PDGFRL: variants seen among roughly 807,000 people sequenced by gnomAD.
PDGFRL encodes platelet-derived growth factor receptor-like protein.
PDGFRL carries 46 observed loss-of-function variants against 37.2 expected under a neutral mutation model. The observed-to-expected ratio is 1.24, with a 90% CI of 0.98 to 1.58. The LOEUF is 1.58. Ranked by LOEUF, PDGFRL falls within the 40% of genes most tolerant of loss-of-function variation. PDGFRL has a pLI of 0.00. For synonymous variants in PDGFRL, 251 were observed against 184.3 expected (o/e 1.36, Z -2.93); for missense variants, 692 against 467.6 (o/e 1.48, Z -4.43).
At chr8:17,634,826 G>A (rs1804937096) in intron 5 of PDGFRL, among the ~76,000 whole-genome samples, 1 of 152,134 alleles carries the variant, frequency 6.6e-6, no homozygotes, top group Non-Finnish European at 1.5e-5. Flanking sequence ...GGGGTGGAGG[G>A]TGGGAGGAGG....
intron 2 of PDGFRL, among the ~76,000 whole-genome samples, chr8:17,600,814 A>AT (rs1450849426): frequency 7.2e-6 from 1 of 138,238 alleles, no homozygotes; most frequent in Non-Finnish European, 1.6e-5. Flanking sequence ...AAAAAAAAAA[A>AT]CAAAAAAACC....
intron 2 of PDGFRL, among the ~76,000 whole-genome samples, chr8:17,611,577 T>G (rs1347081297): frequency 6.6e-6 from 1 of 151,990 alleles, no homozygotes; most frequent in Non-Finnish European, 1.5e-5. Flanking sequence ...CGTGGAGGGC[T>G]CAGAGGTGAA....
chr8:17,613,074 A>G (rs1224262338), intron 2 of PDGFRL, among the ~76,000 whole-genome samples: 2 of 152,224 alleles, frequency 1.3e-5, no homozygotes, highest in Non-Finnish European at 2.9e-5. Flanking sequence ...AGGTTTAGCT[A>G]AATCTCTTGG....
intron 1 of PDGFRL, among the ~76,000 whole-genome samples, chr8:17,586,332 G>A (rs1803816190): frequency 6.6e-6 from 1 of 152,176 alleles, no homozygotes; most frequent in Non-Finnish European, 1.5e-5. Context: ...AGCTCTTCCA[G>A]GAAGAGGAGG....
chr8:17,634,035 C>G (rs745338452), intron 4 of PDGFRL, 39 bp from the exon 5 acceptor site: 7 of 1,607,494 alleles, frequency 4.4e-6, no homozygotes, highest in African/African-American at 1.3e-5. Context: ...CAAGGTTACA[C>G]TCGGGGTCTC....
chr8:17,642,560 C>G (rs943124483), intron 5 of PDGFRL, 53 bp from the exon 6 acceptor site: 2 of 1,124,518 alleles, frequency 1.8e-6, no homozygotes, highest in East Asian at 4.7e-5. Context: ...AGTGGGAGCT[C>G]TTTATAGCAG....
chr8:17,632,913 G>A (rs181651584), intron 4 of PDGFRL, among the ~76,000 whole-genome samples: 1 of 152,158 alleles, frequency 6.6e-6, no homozygotes. Context: ...TTCAAACAGC[G>A]CTTCCTCAAG....
chr8:17,591,501 G>C (rs1335055002), intron 2 of PDGFRL, among the ~76,000 whole-genome samples: 3 of 152,142 alleles, frequency 2.0e-5, no homozygotes, highest in South Asian at 2.1e-4. Context: ...TGAAGGGTAG[G>C]GGATGACATG....
At chr8:17,628,438 A>G in intron 3 of PDGFRL, 49 bp from the exon 4 acceptor site, 1 of 1,491,238 alleles carries the variant, frequency 6.7e-7, no homozygotes, top group South Asian at 1.1e-5. Flanking sequence ...GGGTGCTTTT[A>G]CTTTGCGTCT....
chr8:17,588,763 T>C lies in PDGFRL; in HGVS notation c.56-705T>C, dbSNP rs1045935841. 3.3e-5 allele frequency among the ~76,000 whole-genome samples: 5 copies of C among 152,240 alleles called. No homozygotes were observed. The East Asian group carries it at 7.7e-4, about 24-fold the overall frequency. ...GCTACAGATTTCTGTGTTTAAACAG[T>C]AGAATCAAAATGAATGGTGACAACA... On this transcript the variant is annotated intron_variant, in intron 1 of 5. Transcript: ENST00000251630.
At chr8:17,618,089 G>T (rs1804563721) in intron 2 of PDGFRL, among the ~76,000 whole-genome samples, 1 of 151,654 alleles carries the variant, frequency 6.6e-6, no homozygotes, top group Admixed American at 6.6e-5. Context: ...TCAGGGTTTT[G>T]CTCTGTCGCC....
In PDGFRL at chr8:17,587,534, T is replaced by TTTTC. The variant is rs540541949; in HGVS notation, c.56-1914_56-1911dup. 4.3e-4 allele frequency among the ~76,000 whole-genome samples: 66 copies of TTTTC among 152,186 alleles called. 1 individual carries two copies. The South Asian group carries it at 0.01, about 24-fold the overall frequency. On this transcript the variant is annotated intron_variant, in intron 1 of 5. Coordinates refer to ENST00000251630, the MANE Select transcript of PDGFRL (RefSeq NM_001372073.1). The stretch of plus-strand genomic sequence containing the variant: ...TTTCTTGGGCATGATAATGGTGGGC[T>TTTTC]TTTCTTTCTTTCTTTCTTTCTTTTT...
At chr8:17,617,532 C>G (rs948626076) in intron 2 of PDGFRL, among the ~76,000 whole-genome samples, 1 of 152,116 alleles carries the variant, frequency 6.6e-6, no homozygotes, top group Admixed American at 6.6e-5. Context: ...TCGGTCACTT[C>G]CAACCCCTTG....
rs766283620 is a variant in PDGFRL at position 17,628,499 on chromosome 8, T to A, written c.518T>A (p.Leu173His). 9 of 1,613,368 alleles carry A rather than the reference T, an allele frequency of 5.6e-6. No individual in the cohort carries two copies. In the South Asian group the frequency reaches 8.8e-5, roughly 16 times the overall value. ...TYIFFTEKGE[L>H]FVPSPSYFDV... Reference sequence around the variant, plus strand: ...CTTCCCTTTGCAGAGAAAGGAGAACTCTTTGTACCTTCTCCCAGCTACTTC... The same window carrying A: ...CTTCCCTTTGCAGAGAAAGGAGAACACTTTGTACCTTCTCCCAGCTACTTC... Residue 173 changes from leucine (L) to histidine (H), a missense_variant, in exon 4 of 6, where the codon CTC (leucine) becomes CAC (histidine). Physicochemically the swap from Leu to His is moderately conservative, Grantham distance 99 (BLOSUM62 -3). Coordinates refer to ENST00000251630, the MANE Select transcript of PDGFRL (RefSeq NM_001372073.1).
At chr8:17,634,894 G>A (rs1804938608) in intron 5 of PDGFRL, among the ~76,000 whole-genome samples, 1 of 152,006 alleles carries the variant, frequency 6.6e-6, no homozygotes, top group Non-Finnish European at 1.5e-5. Context: ...ACCTGGGTGA[G>A]GAAATGATCT....
In PDGFRL at chr8:17,589,679, G is replaced by C. The variant is rs140534860; in HGVS notation, c.267G>C (p.Gly89=). Reference sequence around the variant, plus strand: ...CCGCTACCCTGAGTCTGCTGGCGGGGCAAACTGTAGAGCTTCGATGTAAAG... The same window carrying C: ...CCGCTACCCTGAGTCTGCTGGCGGGCCAAACTGTAGAGCTTCGATGTAAAG... The part of the protein sequence containing the change: ...KPAATLSLLA[G]QTVELRCKGS... The change falls in exon 2 of 6, where the codon GGG becomes GGC. Residue 89 remains glycine (G), a synonymous_variant. Coordinates refer to ENST00000251630, the MANE Select transcript of PDGFRL (RefSeq NM_001372073.1). 1.9e-6 allele frequency: 3 copies of C among 1,613,010 alleles called. No individual in the cohort carries two copies. The highest frequency in any genetic ancestry group is 2.5e-6 in the Non-Finnish European group (3 of 1,179,048).
chr8:17,637,569 G>T (rs536082390), intron 5 of PDGFRL, among the ~76,000 whole-genome samples: 1 of 152,236 alleles, frequency 6.6e-6, no homozygotes, highest in African/African-American at 2.4e-5. Context: ...TGGTATTAGG[G>T]TGATACTGGC....
intron 2 of PDGFRL, among the ~76,000 whole-genome samples, chr8:17,602,279 TGA>T (rs757360985): frequency 2.6e-5 from 4 of 152,212 alleles, no homozygotes; most frequent in Non-Finnish European, 4.4e-5. Context: ...ATAAGGGAAC[TGA>T]GAGTCATAGA....
chr8:17,614,120 G>C (rs1393749170), intron 2 of PDGFRL, among the ~76,000 whole-genome samples: 5 of 152,184 alleles, frequency 3.3e-5, no homozygotes, highest in Admixed American at 3.3e-4. Flanking sequence ...GTAGATGATA[G>C]GCTGATAAAT....
Sources: allele counts gnomAD v4.1 joint callset (sites outside exome capture counted in the v4.1 genomes callset), GRCh38; gene constraint gnomAD v4.1.1; transcripts MANE v1.5; gene names NCBI Gene and HGNC (gene_info 2026-07-23, HGNC 2026-07-21).